GRM8: variants seen among roughly 807,000 people sequenced by gnomAD.
GRM8 encodes metabotropic glutamate receptor 8.
A neutral mutation model predicts 87.2 loss-of-function variants in GRM8; 47 were observed. The ratio of observed to expected loss-of-function variants is 0.54; its 90% CI spans 0.43 to 0.69. The LOEUF is 0.69. Ranked by LOEUF, GRM8 falls within the 30% of genes least tolerant of loss-of-function variation. The pLI is 0.00. For synonymous variants in GRM8, 396 were observed against 404.5 expected, an observed-to-expected ratio of 0.98 and a Z score of 0.25; for missense variants, 1,019 against 1,139.2, an observed-to-expected ratio of 0.89 and a Z score of 1.52.
intron 3 of GRM8, among the ~76,000 whole-genome samples, chr7:126,925,024 T>G (rs575091206): frequency 6.6e-6 from 1 of 151,804 alleles, no homozygotes; most frequent in African/African-American, 2.4e-5. Flanking sequence ...GGAAGGAAGA[T>G]GGTGGTTAAT....
chr7:126,623,945 C>A (rs552569707), intron 7 of GRM8, among the ~76,000 whole-genome samples: 1 of 152,178 alleles, frequency 6.6e-6, no homozygotes, highest in South Asian at 2.1e-4. Flanking sequence ...CCTGTCCCCA[C>A]CCCCTGCTCA....
intron 2 of GRM8, among the ~76,000 whole-genome samples, chr7:127,205,159 G>A (rs1317617580): frequency 1.3e-5 from 2 of 152,184 alleles, no homozygotes; most frequent in Non-Finnish European, 2.9e-5. Flanking sequence ...AGTGAGAACA[G>A]ACGCGCCACT....
intron 3 of GRM8, among the ~76,000 whole-genome samples, chr7:126,963,411 T>C (rs551709744): frequency 2.6e-5 from 4 of 152,328 alleles, no homozygotes; most frequent in African/African-American, 9.6e-5. Flanking sequence ...GACATGATTA[T>C]ATATTTAGAA....
At chr7:126,711,933 T>C (rs923169286) in intron 7 of GRM8, among the ~76,000 whole-genome samples, 20 of 152,242 alleles carry the variant, frequency 1.3e-4, no homozygotes, top group African/African-American at 4.8e-4. Flanking sequence ...TTTGATCTTC[T>C]ATACAGATGA....
chr7:126,528,514 T>C (rs2237742), intron 9 of GRM8, among the ~76,000 whole-genome samples: 55,647 of 151,952 alleles, frequency 0.37, 10,327 homozygotes, highest in Middle Eastern at 0.42. Flanking sequence ...CTGCCTATTA[T>C]GTGCATGAAA....
chr7:126,838,795 C>T (rs12673858), intron 6 of GRM8, among the ~76,000 whole-genome samples: 2 of 152,162 alleles, frequency 1.3e-5, no homozygotes, highest in Non-Finnish European at 2.9e-5. Flanking sequence ...TGTTAACTCA[C>T]GGCTCACATC....
intron 3 of GRM8, among the ~76,000 whole-genome samples, chr7:126,957,602 T>C (rs1298104719): frequency 6.6e-6 from 1 of 152,182 alleles, no homozygotes; most frequent in Admixed American, 6.5e-5. Context: ...CAGGCACTGT[T>C]GCAACTCAGC....
At chr7:126,847,810 G>T (rs142286080) in intron 6 of GRM8, among the ~76,000 whole-genome samples, 1 of 152,230 alleles carries the variant, frequency 6.6e-6, no homozygotes, top group South Asian at 2.1e-4. Context: ...TCATCTCCAC[G>T]TAGACAAGTA....
At chr7:127,034,269 T>C (rs1340544668) in intron 3 of GRM8, among the ~76,000 whole-genome samples, 1 of 152,232 alleles carries the variant, frequency 6.6e-6, no homozygotes, top group Non-Finnish European at 1.5e-5. Context: ...AGTTTGCCAT[T>C]GGCAATACTA....
At chr7:126,839,165 C>T (rs1586149993) in intron 6 of GRM8, among the ~76,000 whole-genome samples, 1 of 152,128 alleles carries the variant, frequency 6.6e-6, no homozygotes, top group Non-Finnish European at 1.5e-5. Context: ...GTAACACCCG[C>T]ATCAACTGTA....
At chr7:127,038,481 C>T (rs1194137943) in intron 3 of GRM8, among the ~76,000 whole-genome samples, 1 of 117,018 alleles carries the variant, frequency 8.5e-6, no homozygotes, top group South Asian at 2.8e-4. Context: ...TTCTCTGACA[C>T]ACAAGATATT....
chr7:127,057,970 T>G (rs1820169844), intron 3 of GRM8: 1 of 243,266 alleles, frequency 4.1e-6, no homozygotes, highest in East Asian at 1.6e-4. Context: ...CAAAGAAACA[T>G]TTTCTAACCT....
intron 3 of GRM8, among the ~76,000 whole-genome samples, chr7:127,105,724 A>C (rs1448309300): frequency 6.6e-6 from 1 of 152,264 alleles, no homozygotes. Flanking sequence ...ATAGTACTTA[A>C]GTAACAACAA....
At chr7:126,669,966 A>T (rs1806211966) in intron 7 of GRM8, among the ~76,000 whole-genome samples, 1 of 152,202 alleles carries the variant, frequency 6.6e-6, no homozygotes, top group Admixed American at 6.5e-5. Context: ...GAACATATTG[A>T]CTAACTTCAA....
chr7:126,635,882 A>G (rs936345161), intron 7 of GRM8, among the ~76,000 whole-genome samples: 5 of 152,128 alleles, frequency 3.3e-5, no homozygotes, highest in Non-Finnish European at 5.9e-5. Flanking sequence ...TTCAAACAAT[A>G]TTAGATTTCC....
chr7:127,146,479 G>A (rs1401705610), intron 2 of GRM8, among the ~76,000 whole-genome samples: 1 of 152,018 alleles, frequency 6.6e-6, no homozygotes, highest in Non-Finnish European at 1.5e-5. Flanking sequence ...CCAGGAGATA[G>A]AGGAACAGGG....
Position 126,533,642 on chromosome 7 carries a change from A to G in GRM8, c.1740T>C (p.His580=). 1.9e-6 allele frequency: 3 copies of G among 1,614,062 alleles called. No individual in the cohort carries two copies. Among genetic ancestry groups the G allele is most frequent in the Non-Finnish European group, 2.5e-6 (3 of 1,179,976 alleles). ...ACACAGGCACCACAGCCCAGGGAGA[A>G]TGCCACTCCAATTTGATGATGGGGA... is the stretch of plus-strand genomic sequence containing the variant. ...QLIPIIKLEW[H]SPWAVVPVFV... is the part of the protein sequence containing the mutation. The change falls in exon 9 of 11, where the codon CAT becomes CAC. Residue 580 remains histidine, a synonymous_variant. Transcript: ENST00000339582.
intron 2 of GRM8, among the ~76,000 whole-genome samples, chr7:127,137,337 A>G (rs901732803): frequency 6.6e-6 from 1 of 152,140 alleles, no homozygotes; most frequent in African/African-American, 2.4e-5. Context: ...TAAGTTGTAT[A>G]GGCACTATCT....
chr7:127,214,573 C>T (rs933119320), intron 2 of GRM8, among the ~76,000 whole-genome samples: 9 of 152,030 alleles, frequency 5.9e-5, no homozygotes, highest in African/African-American at 9.7e-5. Flanking sequence ...TGGCAGAAGG[C>T]GAAAGAGAAG....
Sources: allele counts gnomAD v4.1 joint callset (sites outside exome capture counted in the v4.1 genomes callset), GRCh38; gene constraint gnomAD v4.1.1; transcripts MANE v1.5; gene names NCBI Gene and HGNC (gene_info 2026-07-23, HGNC 2026-07-21).